Variants in C2orf76 observed in about 807,000 individuals in gnomAD.
C2orf76 encodes the protein UPF0538 protein C2orf76.
C2orf76 carries 23 observed loss-of-function variants against 16.9 expected under a neutral mutation model. The ratio of observed to expected loss-of-function variants is 1.36; its 90% CI spans 0.98 to 1.93. The LOEUF is 1.93. Ranked by LOEUF, C2orf76 falls within the 30% of genes most tolerant of loss-of-function variation. C2orf76 has a pLI of 0.00. For synonymous variants in C2orf76, 48 were observed against 52.3 expected, an observed-to-expected ratio of 0.92 and a Z score of 0.35; for missense variants, 152 against 152.6, an observed-to-expected ratio of 1.00 and a Z score of 0.02.
chr2:119,337,640 A>G (rs1021367970), intron 2 of C2orf76, among the ~76,000 whole-genome samples: 4 of 152,202 alleles, frequency 2.6e-5, no homozygotes, highest in African/African-American at 4.8e-5. Flanking sequence ...ACCTCAAATC[A>G]GATGACAAAG....
chr2:119,330,660 G>A (rs145427385), intron 2 of C2orf76, among the ~76,000 whole-genome samples: 54 of 151,950 alleles, frequency 3.6e-4, no homozygotes, highest in African/African-American at 1.3e-3. Context: ...TCTGTCCCCC[G>A]TCCCTCTCTC....
Position 119,333,870 on chromosome 2 carries a change from A to C in C2orf76, c.133+5957T>G, listed in dbSNP as rs1002232408. The stretch of plus-strand genomic sequence containing the variant: ...AAAACAAAAGGTGGGGGATTGTTCC[A>C]GATTAATGGAGATTAGAAAGATATG... On this transcript the variant is annotated intron_variant, in intron 2 of 5. Coordinates refer to ENST00000334816, the MANE Select transcript of C2orf76 (RefSeq NM_001322331.2). Among the ~76,000 whole-genome samples, 53 of 152,246 alleles carry C rather than the reference A, an allele frequency of 3.5e-4. 1 individual carries two copies. The highest frequency in any genetic ancestry group is 2.6e-4 in the Non-Finnish European group (18 of 68,034).
the C2orf76 span, among the ~76,000 whole-genome samples, chr2:119,286,969 C>G: frequency 6.6e-6 from 1 of 152,120 alleles, no homozygotes; most frequent in African/African-American, 2.4e-5. Flanking sequence ...CTTAGTACCC[C>G]CAGTGAGCAG....
chr2:119,345,828 G>A (rs562703066), intron 1 of C2orf76, among the ~76,000 whole-genome samples: 3 of 152,108 alleles, frequency 2.0e-5, no homozygotes, highest in South Asian at 2.1e-4. Context: ...TTGGGAGGCC[G>A]AGGCCCGCGG....
chr2:119,348,626 C>A (rs1348274534), intron 1 of C2orf76, among the ~76,000 whole-genome samples: 2 of 151,858 alleles, frequency 1.3e-5, no homozygotes, highest in Non-Finnish European at 2.9e-5. Context: ...GCAGAGGTTG[C>A]AGTAAGCCAA....
chr2:119,341,973 T>C (rs555969462), intron 1 of C2orf76, among the ~76,000 whole-genome samples: 2 of 152,310 alleles, frequency 1.3e-5, no homozygotes, highest in South Asian at 4.1e-4. Context: ...AAGATACATA[T>C]ACCTTTTGAT....
intron 2 of C2orf76, chr2:119,338,896 A>G (rs1372168081): frequency 2.6e-5 from 4 of 152,234 alleles, no homozygotes; most frequent in African/African-American, 9.7e-5. Flanking sequence ...TACATAGGGA[A>G]TAGTAGATAA....
intron 3 of C2orf76, among the ~76,000 whole-genome samples, chr2:119,318,800 C>T (rs1487527203): frequency 6.6e-6 from 1 of 152,148 alleles, no homozygotes; most frequent in African/African-American, 2.4e-5. Context: ...GCTGGGATTA[C>T]AGGCATGATC....
chr2:119,346,047 G>A (rs1432789417), intron 1 of C2orf76, among the ~76,000 whole-genome samples: 1 of 107,526 alleles, frequency 9.3e-6, no homozygotes, highest in Admixed American at 1.3e-4. Context: ...AGAGTGAGAC[G>A]CCATCTCAAA....
chr2:119,363,071 C>T (rs1680794767), intron 1 of C2orf76, among the ~76,000 whole-genome samples: 2 of 151,912 alleles, frequency 1.3e-5, no homozygotes, highest in African/African-American at 4.8e-5. Context: ...CAAAAAAACT[C>T]CACCCATACC....
chr2:119,319,337 G>A (rs537491184), intron 3 of C2orf76, among the ~76,000 whole-genome samples: 1 of 152,298 alleles, frequency 6.6e-6, no homozygotes, highest in African/African-American at 2.4e-5. Flanking sequence ...GAGTGGGTAA[G>A]AAAGGAGAAA....
chr2:119,310,683 C>A (rs1678955441), intron 5 of C2orf76, among the ~76,000 whole-genome samples: 1 of 152,066 alleles, frequency 6.6e-6, no homozygotes, highest in African/African-American at 2.4e-5. Flanking sequence ...ACCAGTCTGG[C>A]CAATATAGTG....
At chr2:119,291,561 C>T in the C2orf76 span, among the ~76,000 whole-genome samples, 12 of 151,912 alleles carry the variant, frequency 7.9e-5, no homozygotes, top group Middle Eastern at 3.4e-3. Context: ...CAAGGCACCT[C>T]GGGAAATGAA....
the C2orf76 span, among the ~76,000 whole-genome samples, chr2:119,294,997 C>G: frequency 3.3e-5 from 5 of 151,900 alleles, no homozygotes; most frequent in African/African-American, 1.2e-4. Flanking sequence ...TTGGAGGGGG[C>G]ACCAGAGGCA....
At chr2:119,313,047 TG>T (rs1318647811) in intron 4 of C2orf76, among the ~76,000 whole-genome samples, 1 of 148,502 alleles carries the variant, frequency 6.7e-6, no homozygotes, top group Admixed American at 6.7e-5. Context: ...AAAAAAAAGT[TG>T]CTATCTGCCC....
intron 2 of C2orf76, among the ~76,000 whole-genome samples, chr2:119,334,639 G>A (rs563665156): frequency 1.3e-4 from 19 of 150,974 alleles, no homozygotes; most frequent in Admixed American, 1.1e-3. Flanking sequence ...GCAGTGAGCC[G>A]AGATGGTGCC....
intron 3 of C2orf76, among the ~76,000 whole-genome samples, chr2:119,319,130 ACTATAGTCTGAC>A (rs1679267165): frequency 1.3e-5 from 2 of 152,144 alleles, no homozygotes; most frequent in East Asian, 3.8e-4. Flanking sequence ...AACCTGCAAA[ACTATAGTCTGAC>A]CTTACTAAAT....
the C2orf76 span, among the ~76,000 whole-genome samples, chr2:119,287,517 T>C: frequency 7.3e-6 from 1 of 136,206 alleles, no homozygotes; most frequent in Non-Finnish European, 1.6e-5. Flanking sequence ...GCTAATAACA[T>C]GTTTTTTTTT....
intron 2 of C2orf76, among the ~76,000 whole-genome samples, chr2:119,329,421 G>A (rs928285761): frequency 6.6e-6 from 1 of 151,810 alleles, no homozygotes; most frequent in African/African-American, 2.4e-5. Flanking sequence ...TACATTTCTT[G>A]TAGGTAACAT....
Sources: allele counts gnomAD v4.1 joint callset (sites outside exome capture counted in the v4.1 genomes callset), GRCh38; gene constraint gnomAD v4.1.1; transcripts MANE v1.5; gene names NCBI Gene and HGNC (gene_info 2026-07-23, HGNC 2026-07-21).